Variants in RELL1 observed in about 807,000 individuals in gnomAD.
The protein encoded by RELL1 is RELT like 1, also known as RELT-like protein 1.
RELL1 carries 10 observed loss-of-function variants against 23.0 expected under a neutral mutation model. The observed-to-expected ratio is 0.43, with a 90% CI of 0.27 to 0.74. The LOEUF is 0.74. Ranked by LOEUF, RELL1 falls within the 30% of genes least tolerant of loss-of-function variation. The pLI is 0.19. For synonymous variants in RELL1, 146 were observed against 146.8 expected (o/e 0.99, Z 0.04); for missense variants, 315 against 364.4 (o/e 0.86, Z 1.10).
rs371877096 is a variant in RELL1 at position 37,634,920 on chromosome 4, C to T, written c.647G>A (p.Arg216His). Residue 216 changes from arginine to histidine, a missense_variant, in exon 5 of 7, where the codon CGC (arginine) becomes CAC (histidine). Arg to His is a conservative substitution (Grantham distance 29). Coordinates refer to ENST00000454158, the MANE Select transcript of RELL1 (RefSeq NM_001085400.2). Reference sequence around the variant, plus strand: ...AGAAAGGACCGTGACCTCGCCTTGGCGCCGTGGTCTGCTCTCTCTGGACTT... The same window carrying T: ...AGAAAGGACCGTGACCTCGCCTTGGTGCCGTGGTCTGCTCTCTCTGGACTT... Reference protein sequence around the residue: ...TNKSRESRPRRQGEVTVLSVG... With the variant: ...TNKSRESRPRHQGEVTVLSVG... The T allele has an allele frequency of 1.1e-5, 17 of 1,614,140 alleles. No individual in the cohort carries two copies. Among genetic ancestry groups the T allele is most frequent in the Middle Eastern group, 1.6e-4 (1 of 6,084 alleles).
intron 1 of RELL1, among the ~76,000 whole-genome samples, chr4:37,671,067 A>G (rs1721818564): frequency 2.0e-5 from 3 of 152,160 alleles, no homozygotes; most frequent in Admixed American, 2.0e-4. Flanking sequence ...ATTCAATTAA[A>G]TTCTGATACC....
chr4:37,626,686 G>T (rs541778101), intron 6 of RELL1, among the ~76,000 whole-genome samples: 2 of 152,222 alleles, frequency 1.3e-5, no homozygotes, highest in East Asian at 3.9e-4. Flanking sequence ...GATACATAAT[G>T]AAACACTGTT....
At chr4:37,586,395 T>G (rs114392436), downstream of RELL1, among the ~76,000 whole-genome samples, 568 of 152,296 alleles carry the variant, frequency 3.7e-3, 2 homozygotes, top group African/African-American at 0.013. Flanking sequence ...CCAGGTGCTG[T>G]CCTAAGTGCT....
chr4:37,681,523 T>C (rs916386584), intron 1 of RELL1, among the ~76,000 whole-genome samples: 10 of 128,506 alleles, frequency 7.8e-5, no homozygotes, highest in Middle Eastern at 4.0e-3. Context: ...CTTCTGTTTT[T>C]TTTTTTTTTT....
At chr4:37,661,883 C>G (rs1721368489) in intron 1 of RELL1, among the ~76,000 whole-genome samples, 1 of 152,188 alleles carries the variant, frequency 6.6e-6, no homozygotes, top group South Asian at 2.1e-4. Flanking sequence ...CTACCAGCTT[C>G]CAGACAATTC....
chr4:37,677,828 C>T (rs1369529341), intron 1 of RELL1, among the ~76,000 whole-genome samples: 3 of 151,980 alleles, frequency 2.0e-5, no homozygotes, highest in African/African-American at 4.8e-5. Context: ...AAAAATTAGC[C>T]GGGCATGGTG....
intron 6 of RELL1, among the ~76,000 whole-genome samples, chr4:37,621,024 T>C (rs1259156950): frequency 6.6e-6 from 1 of 152,196 alleles, no homozygotes; most frequent in Non-Finnish European, 1.5e-5. Flanking sequence ...AGCCAAGATC[T>C]TGAGCGCAAG....
rs1245993222 is a variant in RELL1, at chr4:37,669,191, G to T, written c.88+17009C>A. 4.2e-4 allele frequency among the ~76,000 whole-genome samples: 47 copies of T among 111,672 alleles called. 2 individuals are homozygous for T. The highest frequency in any genetic ancestry group is 6.6e-4 in the Non-Finnish European group (38 of 57,152). 73.3% of individuals were successfully genotyped at this position (111,672 alleles called of 152,430 possible). On this transcript the variant is annotated intron_variant, in intron 1 of 6. Transcript: ENST00000454158. ...CGTCCGGGAGGGAGGTGGGGGGGGG[G>T]GTCAGCCCCCTGCCTGGCCAGCCGC...
chr4:37,633,493 G>A (rs558398775), intron 5 of RELL1, among the ~76,000 whole-genome samples: 1 of 143,744 alleles, frequency 7.0e-6, no homozygotes, highest in Non-Finnish European at 1.5e-5. Context: ...TTTTTTTAAG[G>A]CCAACAAAAC....
At chr4:37,590,492 A>C, downstream of RELL1, 1 of 1,613,686 alleles carries the variant, frequency 6.2e-7, no homozygotes, top group Non-Finnish European at 8.5e-7. Context: ...AGGAAACAGG[A>C]CTGTGTGCTG....
At chr4:37,622,255 A>C (rs1684434371) in intron 6 of RELL1, among the ~76,000 whole-genome samples, 1 of 152,244 alleles carries the variant, frequency 6.6e-6, no homozygotes, top group African/African-American at 2.4e-5. Context: ...GTAGAAGGGC[A>C]AAAGGAGGGG....
At chr4:37,617,288 T>C (rs1185097651) in intron 6 of RELL1, among the ~76,000 whole-genome samples, 1 of 152,208 alleles carries the variant, frequency 6.6e-6, no homozygotes, top group Non-Finnish European at 1.5e-5. Context: ...AATGCACGTA[T>C]GAAGGTTTAA....
chr4:37,642,361 T>A (rs1487075393), intron 3 of RELL1, among the ~76,000 whole-genome samples: 1 of 152,210 alleles, frequency 6.6e-6, no homozygotes, highest in Admixed American at 6.5e-5. Context: ...GGAACTCAGC[T>A]ACAGACTCCC....
At chr4:37,620,861 A>C (rs1434228781) in intron 6 of RELL1, among the ~76,000 whole-genome samples, 1 of 152,218 alleles carries the variant, frequency 6.6e-6, no homozygotes, top group Non-Finnish European at 1.5e-5. Flanking sequence ...CGATATAGTA[A>C]TTTAACACCT....
At position 37,648,516 on chromosome 4, in the gene RELL1, C is replaced by G. The variant is rs183126365; in HGVS notation, c.313+760G>C. Among the ~76,000 whole-genome samples the G allele has an allele frequency of 8.5e-5, 13 of 152,344 alleles. No individual in the cohort carries two copies. The East Asian group carries it at 2.5e-3, about 29-fold the overall frequency. On this transcript the variant is annotated intron_variant, in intron 2 of 6. Transcript: ENST00000454158. ...GAATAGGGGGAGTCACCTACTACCT[C>G]TCAAGGCCCAAGTCAGGAAACATCC...
intron 1 of RELL1, among the ~76,000 whole-genome samples, chr4:37,669,429 C>G (rs1296302509): frequency 6.9e-6 from 1 of 145,314 alleles, no homozygotes; most frequent in Non-Finnish European, 1.5e-5. Context: ...GCCCCCCACC[C>G]GGCCAGCCAC....
intron 1 of RELL1, among the ~76,000 whole-genome samples, chr4:37,659,381 C>A (rs1721238022): frequency 6.6e-6 from 1 of 152,150 alleles, no homozygotes; most frequent in African/African-American, 2.4e-5. Flanking sequence ...CCTAAAAAGT[C>A]AAAAGCAATT....
intron 1 of RELL1, among the ~76,000 whole-genome samples, chr4:37,656,152 A>G (rs1214931771): frequency 9.9e-5 from 15 of 152,236 alleles, no homozygotes; most frequent in Non-Finnish European, 2.2e-4. Flanking sequence ...GGCATATGAA[A>G]ATGGAATATT....
Position 37,634,027 on chromosome 4 carries a change from C to T in RELL1, c.680+860G>A, listed in dbSNP as rs186192433. ...GCATGTGTGTTCCTTACCAGTACTC[C>T]CCACTGTCTTTCCAAATGCAACATC... On this transcript the variant is annotated intron_variant, in intron 5 of 6. Coordinates refer to ENST00000454158, the MANE Select transcript of RELL1 (RefSeq NM_001085400.2). Among the ~76,000 whole-genome samples the T allele has an allele frequency of 2.4e-4, 37 of 152,348 alleles. No homozygotes were observed. The East Asian group carries it at 6.7e-3, about 28-fold the overall frequency.
Sources: gnomAD v4.1 joint callset for allele counts (sites outside exome capture counted in the v4.1 genomes callset) on GRCh38, gnomAD v4.1.1 for gene constraint, MANE v1.5 for transcripts, NCBI Gene and HGNC (gene_info 2026-07-23, HGNC 2026-07-21) for gene names.